PARG: variants seen among roughly 807,000 people sequenced by gnomAD.
PARG encodes mitochondrial poly(ADP-ribose) glycohydrolase.
In PARG, 35 loss-of-function variants were observed where a neutral mutation model predicts 113.0. The ratio of observed to expected loss-of-function variants is 0.31; its 90% CI spans 0.24 to 0.41. The LOEUF (loss-of-function observed/expected upper bound fraction) is 0.41. Among genes scored for constraint, PARG ranks in the 10% least tolerant of loss-of-function variants. The probability of loss-of-function intolerance (pLI) is 1.00; values close to 1 mark genes in which losing one functional copy is unlikely to be tolerated. For synonymous variants in PARG, 330 were observed against 409.9 expected (o/e 0.81, Z 2.36); for missense variants, 797 against 1,169.4 (o/e 0.68, Z 4.64).
intron 1 of PARG, among the ~76,000 whole-genome samples, chr10:49,941,169 T>C (rs1839035509): frequency 1.3e-5 from 2 of 152,298 alleles, no homozygotes; most frequent in South Asian, 4.1e-4. Flanking sequence ...TTTCTTCCTA[T>C]CTAGAGGCTG....
chr10:49,849,417 C>T (rs1189432890), intron 13 of PARG, among the ~76,000 whole-genome samples: 3 of 150,204 alleles, frequency 2.0e-5, no homozygotes, highest in Admixed American at 1.3e-4. Context: ...AATAAGCTTA[C>T]TTCAAAACTT....
In PARG at chr10:49,933,882, C is replaced by T. The variant is rs1351944307; in HGVS notation, c.566G>A (p.Arg189Gln). ...ACTGTGATCATCATTTTGAGGTGAC[C>T]GATCAATGTTAGCATTACTAAACTG... ...PEQFSNANID[R>Q]SPQNDDHSDT... Residue 189 changes from arginine to glutamine, a missense_variant, in exon 3 of 18, where the codon CGG becomes CAG. Arg to Gln is a conservative substitution (Grantham distance 43, BLOSUM62 1). Coordinates refer to ENST00000616448, the MANE Select transcript of PARG (RefSeq NM_003631.5). The T allele has an allele frequency of 2.3e-5, 37 of 1,596,650 alleles. No homozygotes were observed. Among genetic ancestry groups the T allele is most frequent in the South Asian group, 4.4e-5 (4 of 90,732 alleles).
rs889019715 is a variant in PARG at position 49,818,881 on chromosome 10, A to G, written c.*459T>C. 1.3e-5 allele frequency: 2 copies of G among 153,270 alleles called. No individual in the cohort carries two copies. The highest frequency in any genetic ancestry group is 4.8e-5 in the African/African-American group (2 of 41,470). The allele number at this position is 153,270 out of a possible 1,614,324, so 9.5% of individuals were successfully genotyped here. On this transcript the variant is annotated 3_prime_UTR_variant, in exon 18 of 18. Coordinates refer to ENST00000616448, the MANE Select transcript of PARG (RefSeq NM_003631.5). ...AAAACTTAAACAATGCAAGCATATT[A>G]AGAGTTGAGTGGAAGGCTCACAGGG...
chr10:49,927,321 AGAAAGAAG>A (rs1287549583), intron 4 of PARG, among the ~76,000 whole-genome samples: 1 of 142,498 alleles, frequency 7.0e-6, no homozygotes, highest in Non-Finnish European at 1.5e-5. Flanking sequence ...AAAGAAAGAA[AGAAAGAAG>A]GAAAGAAGGA....
intron 11 of PARG, among the ~76,000 whole-genome samples, chr10:49,862,328 C>T (rs1211018241): frequency 6.6e-6 from 1 of 150,802 alleles, no homozygotes; most frequent in Non-Finnish European, 1.5e-5. Flanking sequence ...GATATTTTTC[C>T]CCTGATCACT....
At chr10:49,880,861 G>T (rs1457924686) in intron 8 of PARG, among the ~76,000 whole-genome samples, 1 of 152,152 alleles carries the variant, frequency 6.6e-6, no homozygotes, top group East Asian at 1.9e-4. Flanking sequence ...ATGACAGATA[G>T]CAGACCTTGA....
intron 16 of PARG, among the ~76,000 whole-genome samples, chr10:49,828,106 A>AAC (rs1464406414): frequency 1.6e-4 from 23 of 147,280 alleles, no homozygotes; most frequent in Non-Finnish European, 3.2e-4. Flanking sequence ...AAAAAAAAAA[A>AAC]AAAAAAAAAA....
intron 7 of PARG, among the ~76,000 whole-genome samples, chr10:49,890,750 A>T (rs1188227808): frequency 2.0e-5 from 3 of 152,240 alleles, no homozygotes; most frequent in Admixed American, 2.0e-4. Context: ...ACAAACATCC[A>T]AATAGAAAAG....
chr10:49,941,767 G>T lies in PARG; in HGVS notation c.-42C>A. The T allele has an allele frequency of 6.5e-7, 1 of 1,543,586 alleles. No individual in the cohort carries two copies. The highest frequency in any genetic ancestry group is 1.2e-5 in the South Asian group (1 of 84,048). On this transcript the variant is annotated 5_prime_UTR_variant, in exon 1 of 18. Coordinates refer to ENST00000616448, the MANE Select transcript of PARG (RefSeq NM_003631.5). ...CACTGTCCCCGGGCCGGCCCGGGCG[G>T]AGAGCCTCATTCACTAACCCTGAGA...
intron 4 of PARG, among the ~76,000 whole-genome samples, chr10:49,931,725 G>T (rs1838491025): frequency 6.8e-6 from 1 of 146,852 alleles, no homozygotes; most frequent in Non-Finnish European, 1.5e-5. Flanking sequence ...GGCACAGCTG[G>T]ATAATGATTT....
chr10:49,927,408 AAGAAAG>A (rs1359433751), intron 4 of PARG, among the ~76,000 whole-genome samples: 3 of 111,758 alleles, frequency 2.7e-5, no homozygotes, highest in African/African-American at 8.0e-5. Flanking sequence ...GAAAGAAAGA[AAGAAAG>A]AAAGAAAAAT....
At chr10:49,898,222 G>C (rs1374894503) in intron 7 of PARG, among the ~76,000 whole-genome samples, 13 of 152,216 alleles carry the variant, frequency 8.5e-5, no homozygotes, top group African/African-American at 2.9e-4. Flanking sequence ...AGTTACGAAA[G>C]CTTTCAGATA....
chr10:49,940,003 C>G (rs1838945329), intron 1 of PARG, among the ~76,000 whole-genome samples: 1 of 152,244 alleles, frequency 6.6e-6, no homozygotes. Flanking sequence ...TCAGTCTACT[C>G]TTAAACTTTG....
intron 1 of PARG, among the ~76,000 whole-genome samples, chr10:49,937,605 G>T (rs1838817706): frequency 6.6e-6 from 1 of 152,032 alleles, no homozygotes; most frequent in Admixed American, 6.6e-5. Flanking sequence ...CAATGACTAG[G>T]TTCCTATAAC....
At chr10:49,820,391 T>TA in intron 16 of PARG, 98 bp from the exon 17 acceptor site, 1 of 784,212 alleles carries the variant, frequency 1.3e-6, no homozygotes. Flanking sequence ...CATCCTAGAT[T>TA]AAAGATTTAT....
chr10:49,910,732 C>T (rs567880999), intron 7 of PARG, among the ~76,000 whole-genome samples: 2 of 152,178 alleles, frequency 1.3e-5, no homozygotes, highest in South Asian at 4.2e-4. Flanking sequence ...AAATCAATTG[C>T]AGATTTAAAG....
chr10:49,838,330 C>T (rs748388266), intron 15 of PARG, among the ~76,000 whole-genome samples: 72 of 145,546 alleles, frequency 4.9e-4, no homozygotes, highest in Non-Finnish European at 9.4e-4. Context: ...ACTCAGGAGG[C>T]TGAGGCAGGA....
rs1589021807 is a variant in PARG at position 49,941,954 on chromosome 10, T to G, written c.-229A>C. ...CCCCACCTGCCTCAATGCGCCGCTT[T>G]GATTCGGGATTCGTTCACTTTCCCA... is the stretch of plus-strand genomic sequence containing the variant. On this transcript the variant is annotated 5_prime_UTR_variant, in exon 1 of 18. Transcript: ENST00000616448. The G allele has an allele frequency of 6.4e-6, 6 of 943,778 alleles. No homozygotes were observed. The East Asian group carries it at 1.6e-4, about 25-fold the overall frequency. The allele number at this position is 943,778 out of a possible 1,614,324, so 58.5% of individuals were successfully genotyped here. A position where few individuals can be genotyped will look rare whatever the true frequency, so the allele number is the denominator to read the frequency against.
rs782285986 is a variant in PARG at position 49,832,890 on chromosome 10, G to A, written c.2560C>T (p.Arg854Cys). 18 of 1,546,096 alleles carry A rather than the reference G, an allele frequency of 1.2e-5. No homozygotes were observed. The highest frequency in any genetic ancestry group is 2.4e-5 in the East Asian group (1 of 40,852). Reference protein sequence around the residue: ...ELNKAYCGFLRPGVSSENLSA... With the variant: ...ELNKAYCGFLCPGVSSENLSA... ...AGATTCTCTGAAGAAACTCCAGGAC[G>A]GAGAAATCCACAGTAAGCCTGCAGG... The change falls in exon 16 of 18, where the codon CGT (arginine) becomes TGT (cysteine). Residue 854 changes from arginine to cysteine, a missense_variant. Transcript: ENST00000616448.
Sources: allele counts gnomAD v4.1 joint callset (sites outside exome capture counted in the v4.1 genomes callset), GRCh38; gene constraint gnomAD v4.1.1; transcripts MANE v1.5; gene names NCBI Gene and HGNC (gene_info 2026-07-23, HGNC 2026-07-21).